Variants in SUMF1 observed in about 807,000 individuals in gnomAD.
SUMF1 encodes formylglycine-generating enzyme.
In SUMF1, 48 loss-of-function variants were observed where a neutral mutation model predicts 47.6. The observed-to-expected ratio is 1.01, with a 90% confidence interval of 0.80 to 1.28. The LOEUF is 1.28. Ranked by LOEUF, SUMF1 falls within the 50% of genes most tolerant of loss-of-function variation. The probability of loss-of-function intolerance (pLI) is 0.00; values close to 1 mark genes in which losing one functional copy is unlikely to be tolerated. For missense variants in SUMF1, 571 were observed against 485.4 expected, an observed-to-expected ratio of 1.18 and a Z score of -1.66; for synonymous variants, 230 against 192.1, an observed-to-expected ratio of 1.20 and a Z score of -1.63.
intron 8 of SUMF1, among the ~76,000 whole-genome samples, chr3:4,233,684 C>A (rs112127226): frequency 6.6e-6 from 1 of 152,110 alleles, no homozygotes. Flanking sequence ...TGTTTGGGCA[C>A]AGATGAGCAG....
intron 8 of SUMF1, among the ~76,000 whole-genome samples, chr3:4,306,222 C>G (rs751123863): frequency 1.3e-5 from 2 of 152,166 alleles, no homozygotes; most frequent in Admixed American, 6.5e-5. Flanking sequence ...TATCCAAGAA[C>G]AATCTGTAAA....
rs1056488169 is a variant in SUMF1 at position 4,361,966 on chromosome 3, A to G, written c.*178T>C. 27 of 624,394 alleles carry G rather than the reference A, an allele frequency of 4.3e-5. No homozygotes were observed. Among genetic ancestry groups the G allele is most frequent in the Non-Finnish European group, 6.1e-5 (21 of 345,278 alleles). 38.7% of individuals were successfully genotyped at this position (624,394 alleles called of 1,614,324 possible). On this transcript the variant is annotated 3_prime_UTR_variant, in exon 9 of 9. Transcript: ENST00000272902. ...AAAGATGCACCACACCATAAAGCACATGCACTGACCCAGGTCAGCAATTTG... is the reference window on the plus strand; with the variant it reads ...AAAGATGCACCACACCATAAAGCACGTGCACTGACCCAGGTCAGCAATTTG...
chr3:4,321,083 T>C (rs1217233038), intron 8 of SUMF1, among the ~76,000 whole-genome samples: 2 of 152,118 alleles, frequency 1.3e-5, no homozygotes, highest in East Asian at 3.8e-4. Flanking sequence ...GGGAGCCAGG[T>C]TTCTCACTGT....
chr3:4,127,757 T>C (rs1693688679), intron 8 of SUMF1, among the ~76,000 whole-genome samples: 1 of 151,988 alleles, frequency 6.6e-6, no homozygotes, highest in African/African-American at 2.4e-5. Context: ...GTACCAGGAG[T>C]ATTTCTAGAC....
rs377263236 is a variant in SUMF1, at chr3:4,155,390, A to G, written c.1015-86645T>C. Among the ~76,000 whole-genome samples the G allele has an allele frequency of 4.0e-5, 6 of 151,714 alleles. No homozygotes were observed. The South Asian group carries it at 1.2e-3, about 32-fold the overall frequency. On this transcript the variant is annotated intron_variant and NMD_transcript_variant, in intron 8 of 12. Coordinates refer to the SUMF1 transcript ENST00000448413. Reference sequence around the variant, plus strand: ...AAATTCCTTCTTCATATGAATGGAAAATGCTACGTACTTGCTTTTCCCAGC... The same window carrying G: ...AAATTCCTTCTTCATATGAATGGAAGATGCTACGTACTTGCTTTTCCCAGC...
intron 8 of SUMF1, among the ~76,000 whole-genome samples, chr3:4,365,183 G>A (rs1699908822): frequency 7.8e-6 from 1 of 128,708 alleles, no homozygotes; most frequent in African/African-American, 2.7e-5. Context: ...TGAAAAAAAT[G>A]TATATTCTGT....
chr3:4,131,427 C>T (rs973137190), intron 8 of SUMF1, among the ~76,000 whole-genome samples: 1 of 152,110 alleles, frequency 6.6e-6, no homozygotes, highest in East Asian at 1.9e-4. Flanking sequence ...TGGGTCTGCA[C>T]AATATGCAAG....
intron 8 of SUMF1, among the ~76,000 whole-genome samples, chr3:4,103,958 G>C (rs962514493): frequency 6.6e-6 from 1 of 152,106 alleles, no homozygotes; most frequent in South Asian, 2.1e-4. Context: ...AATTTTCTGT[G>C]GTTAACCTAA....
At chr3:4,462,940 T>A (rs9834719) in intron 1 of SUMF1, among the ~76,000 whole-genome samples, 111 of 152,154 alleles carry the variant, frequency 7.3e-4, no homozygotes, top group Non-Finnish European at 8.2e-4. Context: ...ATCTGTAAAG[T>A]GGGAGATGAT....
intron 8 of SUMF1, among the ~76,000 whole-genome samples, chr3:4,069,964 C>G (rs795737): frequency 0.83 from 125,901 of 152,070 alleles, 53,356 homozygotes; most frequent in Middle Eastern, 0.94. Context: ...ACGCTTTTAG[C>G]TCTGATAAGA....
intron 8 of SUMF1, among the ~76,000 whole-genome samples, chr3:4,253,803 G>A (rs866664533): frequency 2.8e-5 from 4 of 144,818 alleles, no homozygotes; most frequent in African/African-American, 1.1e-4. Context: ...TCCACCTCTG[G>A]GGGGCAGGGC....
In SUMF1 at chr3:4,113,126, T is replaced by C. The variant is rs145930131; in HGVS notation, c.1015-44381A>G. Reference sequence around the variant, plus strand: ...TACATGTGATATTTTGTTGCATGCATAGAATGTGTAATAATCAAGCCAAGG... The same window carrying C: ...TACATGTGATATTTTGTTGCATGCACAGAATGTGTAATAATCAAGCCAAGG... On this transcript the variant is annotated intron_variant and NMD_transcript_variant, in intron 8 of 12. Coordinates refer to the SUMF1 transcript ENST00000448413. Among the ~76,000 whole-genome samples, 62 of 152,212 alleles carry C rather than the reference T, an allele frequency of 4.1e-4. 1 individual carries two copies. Among genetic ancestry groups the C allele is most frequent in the Middle Eastern group, 3.4e-3 (1 of 294 alleles).
At chr3:4,427,106 T>C (rs1417172887) in intron 3 of SUMF1, among the ~76,000 whole-genome samples, 1 of 152,230 alleles carries the variant, frequency 6.6e-6, no homozygotes, top group African/African-American at 2.4e-5. Flanking sequence ...TGGCAAATTA[T>C]GCTTCTTATA....
chr3:4,368,661 G>A (rs536032025), intron 8 of SUMF1, among the ~76,000 whole-genome samples: 1 of 152,164 alleles, frequency 6.6e-6, no homozygotes, highest in African/African-American at 2.4e-5. Context: ...CACGACTCAT[G>A]TCTTCTTTCC....
At chr3:4,318,440 T>G (rs1373630842) in intron 8 of SUMF1, among the ~76,000 whole-genome samples, 1 of 152,194 alleles carries the variant, frequency 6.6e-6, no homozygotes, top group Non-Finnish European at 1.5e-5. Context: ...AAACAGGAAC[T>G]TCTTCAACCT....
intron 9 of SUMF1, among the ~76,000 whole-genome samples, chr3:4,045,408 CCATT>C (rs1438888317): frequency 6.6e-6 from 1 of 151,700 alleles, no homozygotes; most frequent in Non-Finnish European, 1.5e-5. Context: ...ATCCATCCAT[CCATT>C]CATCCATCCA....
intron 8 of SUMF1, among the ~76,000 whole-genome samples, chr3:4,301,268 G>GAA: frequency 6.6e-6 from 1 of 152,182 alleles, no homozygotes; most frequent in Non-Finnish European, 1.5e-5. Flanking sequence ...AAGTAGAATG[G>GAA]CTTTTTGAGG....
At chr3:4,259,615 C>T (rs1697041870) in intron 8 of SUMF1, among the ~76,000 whole-genome samples, 1 of 152,040 alleles carries the variant, frequency 6.6e-6, no homozygotes, top group African/African-American at 2.4e-5. Flanking sequence ...TTTTGGGTTA[C>T]AAACAGCTTG....
intron 8 of SUMF1, among the ~76,000 whole-genome samples, chr3:4,349,582 C>T (rs1394538853): frequency 6.6e-6 from 1 of 152,186 alleles, no homozygotes; most frequent in East Asian, 1.9e-4. Flanking sequence ...ATGGAACCAA[C>T]CCAAATGCCC....
Sources: allele counts gnomAD v4.1 joint callset (sites outside exome capture counted in the v4.1 genomes callset), GRCh38; gene constraint gnomAD v4.1.1; transcripts MANE v1.5; gene names NCBI Gene and HGNC (gene_info 2026-07-23, HGNC 2026-07-21).